PCDHGA7: variants seen among roughly 807,000 people sequenced by gnomAD.
The protein encoded by PCDHGA7 is protocadherin gamma subfamily A, 7, also known as protocadherin gamma-A7.
Under a neutral mutation model 58.3 loss-of-function variants are expected in PCDHGA7, and 44 were observed. The observed-to-expected ratio is 0.75, with a 90% CI of 0.59 to 0.97. The LOEUF is 0.97. Ranked by LOEUF, PCDHGA7 falls within the 50% of genes least tolerant of loss-of-function variation. The pLI, the probability that PCDHGA7 is intolerant of heterozygous loss-of-function variation, is 0.00. For synonymous variants in PCDHGA7, 516 were observed against 504.2 expected, an observed-to-expected ratio of 1.02 and a Z score of -0.31; for missense variants, 1,266 against 1,188.7, an observed-to-expected ratio of 1.06 and a Z score of -0.96.
chr5:141,494,197 C>T (rs73794924), intron 1 of PCDHGA7, among the ~76,000 whole-genome samples: 1,654 of 152,242 alleles, frequency 0.011, 27 homozygotes, highest in African/African-American at 0.037. Flanking sequence ...CTTGGATGCC[C>T]CGCAAAGGCC....
chr5:141,398,083 C>G, intron 1 of PCDHGA7: 1 of 1,599,552 alleles, frequency 6.3e-7, no homozygotes, highest in Non-Finnish European at 8.5e-7. Context: ...TTATTTGTAA[C>G]CTGGCGTCTC....
In PCDHGA7 at chr5:141,511,007, G is replaced by C. The variant is rs780918754; in HGVS notation, c.2633G>C (p.Arg878Pro). Residue 878 changes from arginine to proline, a missense_variant, in exon 4 of 4, where the codon CGC (arginine) becomes CCC (proline). Physicochemically the swap from Arg to Pro is moderately radical, Grantham distance 103. Coordinates refer to ENST00000518325, the MANE Select transcript of PCDHGA7 (RefSeq NM_018920.4). Reference protein sequence around the residue: ...GGAGTMGLSARYGPQFTLQHV... With the variant: ...GGAGTMGLSAPYGPQFTLQHV... ...GCCGGCACCATGGGATTGAGCGCCC[G>C]CTACGGACCCCAGTTCACCCTGCAG... The C allele has an allele frequency of 1.9e-6, 3 of 1,614,042 alleles. No homozygotes were observed. The highest frequency in any genetic ancestry group is 2.7e-5 in the African/African-American group (2 of 74,910).
At chr5:141,399,933 C>T in intron 1 of PCDHGA7, 5 of 1,612,358 alleles carry the variant, frequency 3.1e-6, no homozygotes, top group Non-Finnish European at 1.7e-6. Context: ...GGCTGTCCTA[C>T]CACGTGCTGC....
At chr5:141,405,556 C>G in intron 1 of PCDHGA7, 1 of 619,826 alleles carries the variant, frequency 1.6e-6, no homozygotes, top group African/African-American at 1.8e-5. Flanking sequence ...AGTAGAGTAG[C>G]TGGGACTAGA....
chr5:141,484,944 AG>A (rs1354711871), intron 1 of PCDHGA7: 1 of 546,450 alleles, frequency 1.8e-6, no homozygotes, highest in Non-Finnish European at 3.3e-6. Context: ...TTCTCTGCTC[AG>A]CCTATTGGCT....
Position 141,393,255 on chromosome 5 carries a change from C to G in PCDHGA7, c.2424+7932C>G, listed in dbSNP as rs201229959. 2.3e-4 allele frequency: 367 copies of G among 1,613,786 alleles called. No individual in the cohort carries two copies. Among genetic ancestry groups the G allele is most frequent in the Non-Finnish European group, 2.9e-4 (338 of 1,179,916 alleles). On this transcript the variant is annotated intron_variant, in intron 1 of 3. Coordinates refer to ENST00000518325, the MANE Select transcript of PCDHGA7 (RefSeq NM_018920.4). ...AGTAAAAATTAACGAAATCGCGGTT[C>G]CTGGAGCACGTTATCCACTCCCAGA...
chr5:141,485,938 A>G lies in PCDHGA7; in HGVS notation c.2425-8869A>G. The stretch of plus-strand genomic sequence containing the variant: ...ACAGGATTAGTGTGTTGGAGAGCGC[A>G]CCAGCGGGCATGGTGCTCATCCAGC... On this transcript the variant is annotated intron_variant, in intron 1 of 3. Transcript: ENST00000518325. The surrounding 1 kb of genome is among the most constrained non-coding windows in gnomAD (Gnocchi z 5.7). 6.2e-7 allele frequency: 1 copy of G among 1,614,162 alleles called. No individual in the cohort carries two copies. The highest frequency in any genetic ancestry group is 1.3e-5 in the African/African-American group (1 of 75,028).
chr5:141,408,725 A>G, intron 1 of PCDHGA7: 1 of 1,610,988 alleles, frequency 6.2e-7, no homozygotes, highest in Non-Finnish European at 8.5e-7. Context: ...GATAAACTCT[A>G]ATCCTTATTT....
In PCDHGA7 at chr5:141,490,376, C is replaced by T. The variant is rs761956816; in HGVS notation, c.2425-4431C>T. 2 of 1,614,184 alleles carry T rather than the reference C, an allele frequency of 1.2e-6. No individual in the cohort carries two copies. The highest frequency in any genetic ancestry group is 1.7e-6 in the Non-Finnish European group (2 of 1,180,036). ...TTGTTTAATGTGCGAGACCGGGACT[C>T]AGGTAGAAATGGTGAAGTGAGCCTT... is the stretch of plus-strand genomic sequence containing the variant. On this transcript the variant is annotated intron_variant, in intron 1 of 3. Transcript: ENST00000518325. The surrounding 1 kb of genome is among the most constrained non-coding windows in gnomAD (Gnocchi z 5.4).
chr5:141,409,164 C>G (rs115772303), intron 1 of PCDHGA7: 18 of 1,613,792 alleles, frequency 1.1e-5, no homozygotes, highest in Non-Finnish European at 1.4e-5. Flanking sequence ...GAAGTGGAAG[C>G]GAAGGACGGA....
Position 141,489,712 on chromosome 5 carries a change from C to G in PCDHGA7, c.2425-5095C>G. On this transcript the variant is annotated intron_variant, in intron 1 of 3. Transcript: ENST00000518325. The surrounding 1 kb of genome is among the most constrained non-coding windows in gnomAD (Gnocchi z 4.5). ...GGCACGATTCCCACTGGACAGTGCC[C>G]AGGATCCGGATGTGGGCACCAATAC... The G allele has an allele frequency of 6.2e-7, 1 of 1,614,162 alleles. No individual in the cohort carries two copies. Among genetic ancestry groups the G allele is most frequent in the South Asian group, 1.1e-5 (1 of 91,078 alleles).
Position 141,494,808 on chromosome 5 carries a change from A to G in PCDHGA7, c.2426A>G (p.Gln809Arg). The G allele has an allele frequency of 1.9e-6, 3 of 1,614,014 alleles. No individual in the cohort carries two copies. Among genetic ancestry groups the G allele is most frequent in the Non-Finnish European group, 2.5e-6 (3 of 1,179,982 alleles). The change falls in exon 2 of 4, where the codon CAA becomes CGA. Residue 809 changes from glutamine to arginine, a missense_variant and splice_region_variant. Gln to Arg is a conservative substitution (Grantham distance 43, BLOSUM62 1). Coordinates refer to ENST00000518325, the MANE Select transcript of PCDHGA7 (RefSeq NM_018920.4). ...CCTTTCCCTCTGTTTTCTCCACAGC[A>G]AGCCCCGCCCAACACGGACTGGCGT... ...ECKENLPSIQ[Q>R]APPNTDWRFS...
At chr5:141,433,381 A>ATCTC (rs1561869478) in intron 1 of PCDHGA7, among the ~76,000 whole-genome samples, 1 of 151,148 alleles carries the variant, frequency 6.6e-6, no homozygotes, top group Admixed American at 6.6e-5. Flanking sequence ...CTATCTATCT[A>ATCTC]TCTATCTATC....
chr5:141,433,208 C>CTTT, intron 1 of PCDHGA7: 2 of 1,293,022 alleles, frequency 1.5e-6, no homozygotes, highest in Non-Finnish European at 2.1e-6. Context: ...AATCTTCTTT[C>CTTT]TTTTTTTTTT....
At chr5:141,422,714 C>T (rs2096666670) in intron 1 of PCDHGA7, 1 of 1,603,720 alleles carries the variant, frequency 6.2e-7, no homozygotes, top group South Asian at 1.1e-5. Flanking sequence ...ACGGATGACA[C>T]TGTCCAGGGG....
chr5:141,485,886 A>G lies in PCDHGA7; in HGVS notation c.2425-8921A>G. 1.9e-6 allele frequency: 3 copies of G among 1,614,132 alleles called. No individual in the cohort carries two copies. Among genetic ancestry groups the G allele is most frequent in the Non-Finnish European group, 2.5e-6 (3 of 1,180,016 alleles). On this transcript the variant is annotated intron_variant, in intron 1 of 3. Transcript: ENST00000518325. This position sits in a 1 kb window ranked among gnomAD's most constrained non-coding sequence, Gnocchi z 5.7. ...GTATCCGTGCTGGACGTAAACGACAACGCCCCAGCCTTCCAGCAATCCAGC... is the reference window on the plus strand; with the variant it reads ...GTATCCGTGCTGGACGTAAACGACAGCGCCCCAGCCTTCCAGCAATCCAGC...
chr5:141,505,509 G>A (rs778054090), intron 3 of PCDHGA7, 28 bp downstream of exon 3: 1 of 1,613,940 alleles, frequency 6.2e-7, no homozygotes, highest in Non-Finnish European at 8.5e-7. Context: ...GTGTATGGAA[G>A]AGTGGGAGAC....
intron 1 of PCDHGA7, among the ~76,000 whole-genome samples, chr5:141,401,496 C>T (rs909382274): frequency 6.6e-6 from 1 of 152,190 alleles, no homozygotes; most frequent in African/African-American, 2.4e-5. Context: ...GATGCAAAAT[C>T]CTTTTCCACC....
chr5:141,392,704 G>A, intron 1 of PCDHGA7: 1 of 1,281,856 alleles, frequency 7.8e-7, no homozygotes, highest in East Asian at 2.6e-5. Flanking sequence ...CCTGTTTGGA[G>A]GCACTCCAGG....
Sources: allele counts gnomAD v4.1 joint callset (sites outside exome capture counted in the v4.1 genomes callset), GRCh38; gene constraint gnomAD v4.1.1; non-coding constraint Gnocchi (gnomAD v3.1); transcripts MANE v1.5; gene names NCBI Gene and HGNC (gene_info 2026-07-23, HGNC 2026-07-21).